ACTR3: variants seen among roughly 807,000 people sequenced by gnomAD.
ACTR3 encodes the protein actin related protein 3.
ACTR3 carries 12 observed loss-of-function variants against 56.8 expected under a neutral mutation model. That is an observed-to-expected ratio of 0.21 (90% CI 0.14 to 0.34). The LOEUF (loss-of-function observed/expected upper bound fraction) is 0.34. Ranked by LOEUF, ACTR3 falls within the 10% of genes least tolerant of loss-of-function variation. The pLI, the probability that ACTR3 is intolerant of heterozygous loss-of-function variation, is 1.00. For missense variants in ACTR3, 282 were observed against 512.5 expected (o/e 0.55, Z 4.34); for synonymous variants, 162 against 167.4 (o/e 0.97, Z 0.25).
chr2:113,929,341 T>C (rs1679677278), intron 4 of ACTR3, among the ~76,000 whole-genome samples: 2 of 152,082 alleles, frequency 1.3e-5, no homozygotes, highest in African/African-American at 4.8e-5. Flanking sequence ...AGTCTCACTT[T>C]GTCACCCAGG....
chr2:113,897,978 G>T (rs992997033), intron 1 of ACTR3, among the ~76,000 whole-genome samples: 5 of 152,132 alleles, frequency 3.3e-5, no homozygotes, highest in African/African-American at 1.2e-4. Context: ...CTTGGGAAGG[G>T]TTTCTGTGCT....
At chr2:113,915,041 T>C (rs905270059) in intron 2 of ACTR3, among the ~76,000 whole-genome samples, 2 of 152,240 alleles carry the variant, frequency 1.3e-5, no homozygotes, top group African/African-American at 4.8e-5. Context: ...CATGTTGGCT[T>C]TATTGCTGAC....
chr2:113,946,374 A>G (rs1680020941), intron 8 of ACTR3, among the ~76,000 whole-genome samples: 1 of 151,658 alleles, frequency 6.6e-6, no homozygotes, highest in Admixed American at 6.6e-5. Context: ...TGGTGTGAGA[A>G]TATTTTTTGA....
rs147214901 is a variant in ACTR3, at chr2:113,948,092, T to C, written c.859-3387T>C. ...TCAAACTCTTCTTAGTTGCTTCTTT[T>C]GCTGATTACCTCCTTAGCTATGAAT... On this transcript the variant is annotated intron_variant, in intron 8 of 11. Transcript: ENST00000263238. Among the ~76,000 whole-genome samples, 182 of 152,350 alleles carry C rather than the reference T, an allele frequency of 1.2e-3. 1 individual carries two copies. Among genetic ancestry groups the C allele is most frequent in the South Asian group, 3.7e-3 (18 of 4,828 alleles).
rs75412896 is a variant in ACTR3, at chr2:113,943,821, C to T, written c.858+1462C>T. 4.1e-3 allele frequency among the ~76,000 whole-genome samples: 626 copies of T among 152,200 alleles called. 3 individuals carry two copies. The highest frequency in any genetic ancestry group is 6.8e-3 in the Middle Eastern group (2 of 294). On this transcript the variant is annotated intron_variant, in intron 8 of 11. Coordinates refer to ENST00000263238, the MANE Select transcript of ACTR3 (RefSeq NM_005721.5). ...TATTATATGCATCTTTTAAAAGGTT[C>T]AAAAACAAACACTTGGGTGTTGTAA...
intron 1 of ACTR3, among the ~76,000 whole-genome samples, chr2:113,892,045 T>A (rs940938029): frequency 1.3e-5 from 2 of 152,216 alleles, no homozygotes; most frequent in Non-Finnish European, 2.9e-5. Flanking sequence ...CTTTAGAAAT[T>A]ACTGCGTTTT....
At chr2:113,932,113 G>A (rs1574371537) in intron 5 of ACTR3, among the ~76,000 whole-genome samples, 1 of 152,178 alleles carries the variant, frequency 6.6e-6, no homozygotes, top group East Asian at 1.9e-4. Flanking sequence ...GGATCACACT[G>A]GTTTTTGTAA....
chr2:113,897,031 C>T (rs1247944807), intron 1 of ACTR3, among the ~76,000 whole-genome samples: 1 of 152,204 alleles, frequency 6.6e-6, no homozygotes, highest in Non-Finnish European at 1.5e-5. Context: ...TTTGAATGCT[C>T]CCTTGTAATT....
chr2:113,927,301 A>G lies in ACTR3; in HGVS notation c.226-44A>G, dbSNP rs555120296. On this transcript the variant is annotated intron_variant, in intron 3 of 11. Coordinates refer to ENST00000263238, the MANE Select transcript of ACTR3 (RefSeq NM_005721.5). ...TTTTTTGTATTTTTATTTGTTTTTT[A>G]TATTAATAAGATTTAATTTGTATTT... The G allele has an allele frequency of 5.7e-4, 747 of 1,299,164 alleles. 12 individuals are homozygous for G. In the South Asian group the frequency reaches 9.5e-3, roughly 17 times the overall value. The allele number at this position is 1,299,164 out of a possible 1,614,324, so 80.5% of individuals were successfully genotyped here. A position where few individuals can be genotyped will look rare whatever the true frequency, so the allele number is the denominator to read the frequency against.
Position 113,958,174 on chromosome 2 carries a change from A to T in ACTR3, c.*719A>T, listed in dbSNP as rs1002343513. On this transcript the variant is annotated 3_prime_UTR_variant, in exon 12 of 12. Transcript: ENST00000263238. ...GCAGTTCTGTAGTGTCATTTCTTAT[A>T]AAAAACAAAACAACAACAATAATTT... 2.6e-5 allele frequency: 4 copies of T among 152,634 alleles called. No homozygotes were observed. The highest frequency in any genetic ancestry group is 9.6e-5 in the African/African-American group (4 of 41,470). 9.5% of individuals were successfully genotyped at this position (152,634 alleles called of 1,614,324 possible). A position where few individuals can be genotyped will look rare whatever the true frequency, so the allele number is the denominator to read the frequency against.
intron 3 of ACTR3, among the ~76,000 whole-genome samples, chr2:113,921,318 G>GTTT (rs559647219): frequency 7.9e-6 from 1 of 127,282 alleles, no homozygotes; most frequent in Non-Finnish European, 1.7e-5. Flanking sequence ...AAAAATCAGT[G>GTTT]TTTTTTTTTT....
chr2:113,897,509 C>A (rs1679028982), intron 1 of ACTR3, among the ~76,000 whole-genome samples: 2 of 139,546 alleles, frequency 1.4e-5, no homozygotes, highest in African/African-American at 2.8e-5. Flanking sequence ...ATTTGTGTGG[C>A]CAGATGTTAT....
chr2:113,913,241 T>C lies in ACTR3; in HGVS notation c.100+14T>C, dbSNP rs1679340660. On this transcript the variant is annotated intron_variant, in intron 2 of 11. Transcript: ENST00000263238. ...TCATCCCTTCCTGTAAGTATTTCTT[T>C]TAAGCCACAAATGAGCTGATTTAAA... is the stretch of plus-strand genomic sequence containing the variant. 2 of 1,567,656 alleles carry C rather than the reference T, an allele frequency of 1.3e-6. No homozygotes were observed. Among genetic ancestry groups the C allele is most frequent in the Admixed American group, 1.8e-5 (1 of 54,258 alleles).
At chr2:113,902,870 A>T (rs1009886641) in intron 1 of ACTR3, among the ~76,000 whole-genome samples, 1 of 152,218 alleles carries the variant, frequency 6.6e-6, no homozygotes, top group African/African-American at 2.4e-5. Flanking sequence ...AAGTGCTGGG[A>T]TTACAGGGAT....
chr2:113,904,615 A>C (rs1197606629), intron 1 of ACTR3: 1 of 152,220 alleles, frequency 6.6e-6, no homozygotes, highest in Non-Finnish European at 1.5e-5. Flanking sequence ...AGTAGATTCT[A>C]ACTAGAGGTA....
At chr2:113,924,833 T>A (rs747121431) in intron 3 of ACTR3, among the ~76,000 whole-genome samples, 2 of 152,142 alleles carry the variant, frequency 1.3e-5, no homozygotes, top group African/African-American at 2.4e-5. Context: ...AGATATGACC[T>A]CCTCAGCGAA....
chr2:113,890,393 G>A, intron 1 of ACTR3, 70 bp downstream of exon 1: 1 of 1,413,256 alleles, frequency 7.1e-7, no homozygotes, highest in South Asian at 1.3e-5. Flanking sequence ...GAGGGAGGAG[G>A]CCGGGAAATG....
At chr2:113,907,409 G>T (rs2104588337) in intron 1 of ACTR3, among the ~76,000 whole-genome samples, 1 of 152,182 alleles carries the variant, frequency 6.6e-6, no homozygotes, top group South Asian at 2.1e-4. Flanking sequence ...GAGCTGCTAT[G>T]TCCAGCTGAT....
chr2:113,916,375 A>G (rs1365452327), intron 2 of ACTR3, among the ~76,000 whole-genome samples: 1 of 152,166 alleles, frequency 6.6e-6, no homozygotes, highest in Non-Finnish European at 1.5e-5. Flanking sequence ...ATGTAGTTTA[A>G]CAGATCTGTA....
Sources: gnomAD v4.1 joint callset for allele counts (sites outside exome capture counted in the v4.1 genomes callset) on GRCh38, gnomAD v4.1.1 for gene constraint, MANE v1.5 for transcripts, NCBI Gene and HGNC (gene_info 2026-07-23, HGNC 2026-07-21) for gene names.